Variants in PRKG1 observed in about 807,000 individuals in gnomAD.
PRKG1 encodes protein kinase cGMP-dependent 1, also known as cGMP-dependent protein kinase 1.
A neutral mutation model predicts 88.1 loss-of-function variants in PRKG1; 35 were observed. The ratio of observed to expected loss-of-function variants is 0.40; its 90% CI spans 0.30 to 0.53. The LOEUF is 0.53. PRKG1 is among the 20% of genes least tolerant of loss of function. PRKG1 has a pLI of 0.59. For missense variants in PRKG1, 540 were observed against 839.8 expected (o/e 0.64, Z 4.41); for synonymous variants, 303 against 292.5 (o/e 1.04, Z -0.37).
At chr10:52,163,379 T>G (rs1589662874) in intron 9 of PRKG1, among the ~76,000 whole-genome samples, 2 of 150,186 alleles carry the variant, frequency 1.3e-5, no homozygotes, top group African/African-American at 4.9e-5. Flanking sequence ...TAAATATACA[T>G]GTATATGCAT....
In PRKG1 at chr10:51,498,860, CTAACCTT is replaced by C. The variant is rs367745579; in HGVS notation, c.592+31025_592+31031del. Among the ~76,000 whole-genome samples, 892 of 151,220 alleles carry C rather than the reference CTAACCTT, an allele frequency of 5.9e-3. 14 individuals are homozygous for C. Among genetic ancestry groups the C allele is most frequent in the African/African-American group, 0.021 (857 of 41,286 alleles). ...AATACTCTTTCTTCATGTTTTTTTC[CTAACCTT>C]CTTTAGCTATCATTTCTTAAATCTA... On this transcript the variant is annotated intron_variant, in intron 3 of 17. Coordinates refer to ENST00000373980, the MANE Select transcript of PRKG1 (RefSeq NM_006258.4).
At chr10:51,706,207 G>T (rs550552483) in intron 3 of PRKG1, among the ~76,000 whole-genome samples, 1 of 152,278 alleles carries the variant, frequency 6.6e-6, no homozygotes, top group East Asian at 1.9e-4. Context: ...AATTAATTTG[G>T]TATATAACTT....
intron 4 of PRKG1, among the ~76,000 whole-genome samples, chr10:51,816,350 A>G (rs903226593): frequency 9.9e-5 from 15 of 152,276 alleles, no homozygotes; most frequent in African/African-American, 3.1e-4. Context: ...CCAATTTCCT[A>G]TAAATGGGTA....
At chr10:51,363,915 C>A (rs1287964469) in intron 2 of PRKG1, among the ~76,000 whole-genome samples, 1 of 151,884 alleles carries the variant, frequency 6.6e-6, no homozygotes, top group East Asian at 1.9e-4. Flanking sequence ...AAATAATAAT[C>A]AAAATAAGTC....
chr10:52,181,811 A>C (rs1839040795), intron 9 of PRKG1, among the ~76,000 whole-genome samples: 1 of 33,006 alleles, frequency 3.0e-5, no homozygotes, highest in African/African-American at 1.2e-4. Context: ...TATGTGCCAC[A>C]TTTTCTTAAT....
intron 3 of PRKG1, among the ~76,000 whole-genome samples, chr10:51,659,348 G>A (rs74454184): frequency 6.6e-6 from 1 of 152,108 alleles, no homozygotes; most frequent in African/African-American, 2.4e-5. Context: ...ATGCATTTTA[G>A]AGAAGAGTCT....
chr10:52,130,317 C>T (rs1399622487), intron 7 of PRKG1, among the ~76,000 whole-genome samples: 1 of 152,162 alleles, frequency 6.6e-6, no homozygotes, highest in African/African-American at 2.4e-5. Flanking sequence ...CCCCAATCTA[C>T]ATTTAAAAAT....
chr10:51,326,269 C>CAACT (rs761376245), intron 2 of PRKG1, among the ~76,000 whole-genome samples: 2 of 152,182 alleles, frequency 1.3e-5, no homozygotes, highest in Non-Finnish European at 2.9e-5. Context: ...AGTTTAAATG[C>CAACT]AACTACTGAC....
chr10:51,126,811 C>T (rs1450856098), intron 1 of PRKG1, among the ~76,000 whole-genome samples: 2 of 152,162 alleles, frequency 1.3e-5, no homozygotes, highest in Non-Finnish European at 2.9e-5. Context: ...TAACACTACA[C>T]GTCTACAACC....
intron 4 of PRKG1, among the ~76,000 whole-genome samples, chr10:51,899,018 G>C (rs1016176397): frequency 2.6e-5 from 4 of 152,066 alleles, no homozygotes; most frequent in African/African-American, 9.7e-5. Context: ...CACAATATCT[G>C]TTAACCTTTT....
intron 10 of PRKG1, among the ~76,000 whole-genome samples, chr10:52,267,152 C>G (rs553720873): frequency 1.3e-4 from 19 of 151,980 alleles, no homozygotes; most frequent in Non-Finnish European, 2.6e-4. Context: ...TGTCACCTTA[C>G]AATTCATCAT....
chr10:51,628,122 C>T (rs1300228762), intron 3 of PRKG1, among the ~76,000 whole-genome samples: 115 of 116,888 alleles, frequency 9.8e-4, no homozygotes, highest in Non-Finnish European at 1.8e-3. Context: ...TTCTTTATTT[C>T]TCTTTCTTTC....
At chr10:51,568,666 G>A (rs1454316204) in intron 3 of PRKG1, 1 of 151,870 alleles carries the variant, frequency 6.6e-6, no homozygotes, top group African/African-American at 2.4e-5. Context: ...AATAGCAAAT[G>A]CTTTTTAGTG....
intron 5 of PRKG1, chr10:51,908,508 G>A (rs1316781471): frequency 6.6e-6 from 1 of 151,994 alleles, no homozygotes; most frequent in African/African-American, 2.4e-5. Context: ...TACTTAGAGT[G>A]AGATAGAAGT....
chr10:52,128,317 G>A (rs2132624683), intron 7 of PRKG1: 1 of 985,368 alleles, frequency 1.0e-6, no homozygotes, highest in East Asian at 1.1e-4. Context: ...CAGCTACTTT[G>A]TATCAACTAT....
At chr10:52,069,280 C>T (rs960478351) in intron 7 of PRKG1, among the ~76,000 whole-genome samples, 2 of 152,016 alleles carry the variant, frequency 1.3e-5, no homozygotes, top group Non-Finnish European at 2.9e-5. Context: ...CTTGTAATCC[C>T]AGCACGTTGG....
chr10:51,013,460 G>C (rs920241204), intron 1 of PRKG1, among the ~76,000 whole-genome samples: 1 of 152,048 alleles, frequency 6.6e-6, no homozygotes, highest in South Asian at 2.1e-4. Flanking sequence ...GTGCGATCTC[G>C]GCTCACCACA....
chr10:51,083,382 A>G (rs1425397752), intron 1 of PRKG1, among the ~76,000 whole-genome samples: 2 of 152,256 alleles, frequency 1.3e-5, no homozygotes, highest in African/African-American at 4.8e-5. Context: ...GTGGCCAGAT[A>G]GTTTCTTTGG....
chr10:52,169,117 A>C (rs1838584768), intron 9 of PRKG1, among the ~76,000 whole-genome samples: 1 of 152,210 alleles, frequency 6.6e-6, no homozygotes, highest in African/African-American at 2.4e-5. Flanking sequence ...AGGTTAGAGA[A>C]GAAAGAAGAA....
Sources: gnomAD v4.1 joint callset for allele counts (sites outside exome capture counted in the v4.1 genomes callset) on GRCh38, gnomAD v4.1.1 for gene constraint, MANE v1.5 for transcripts, NCBI Gene and HGNC (gene_info 2026-07-23, HGNC 2026-07-21) for gene names.